SLIT3: variants seen among roughly 807,000 people sequenced by gnomAD.
SLIT3 encodes the protein slit guidance ligand 3.
SLIT3 carries 68 observed loss-of-function variants against 184.0 expected under a neutral mutation model. The ratio of observed to expected loss-of-function variants is 0.37; its 90% CI spans 0.30 to 0.45. The LOEUF (loss-of-function observed/expected upper bound fraction) is 0.45, where lower values mean the gene tolerates loss of function less well. SLIT3 is among the 20% of genes least tolerant of loss of function. The probability of loss-of-function intolerance (pLI) is 1.00; values close to 1 mark genes in which losing one functional copy is unlikely to be tolerated. For synonymous variants in SLIT3, 831 were observed against 828.6 expected (o/e 1.00, Z -0.05); for missense variants, 1,707 against 2,026.0 (o/e 0.84, Z 3.02).
At chr5:169,267,230 G>A (rs1255690866) in intron 1 of SLIT3, among the ~76,000 whole-genome samples, 1 of 152,192 alleles carries the variant, frequency 6.6e-6, no homozygotes, top group East Asian at 1.9e-4. Context: ...ACAAGGATTA[G>A]TGGCTGAAAA....
intron 20 of SLIT3, among the ~76,000 whole-genome samples, chr5:168,727,301 C>G (rs1763162399): frequency 1.3e-5 from 2 of 151,756 alleles, no homozygotes; most frequent in African/African-American, 4.8e-5. Flanking sequence ...GCCTGGGCAA[C>G]ACAGTGAGAC....
chr5:169,135,065 T>C (rs942918329), intron 4 of SLIT3, among the ~76,000 whole-genome samples: 1 of 152,224 alleles, frequency 6.6e-6, no homozygotes. Flanking sequence ...GCATCTGTTT[T>C]CCCCTCTAAC....
intron 3 of SLIT3, among the ~76,000 whole-genome samples, chr5:169,244,085 C>T (rs546377998): frequency 5.4e-4 from 83 of 152,370 alleles, no homozygotes; most frequent in Middle Eastern, 3.4e-3. Context: ...ATCTTCCATT[C>T]CCATCCCTTT....
intron 11 of SLIT3, among the ~76,000 whole-genome samples, chr5:168,788,423 A>T (rs1302400227): frequency 6.6e-6 from 1 of 152,146 alleles, no homozygotes; most frequent in Non-Finnish European, 1.5e-5. Flanking sequence ...TGCCCACTCA[A>T]ATTAGGTAAA....
At chr5:169,103,303 C>A (rs1760085537) in intron 4 of SLIT3, among the ~76,000 whole-genome samples, 3 of 152,148 alleles carry the variant, frequency 2.0e-5, no homozygotes, top group African/African-American at 7.2e-5. Flanking sequence ...CAAGTCAAGC[C>A]TGTTTTATTT....
chr5:168,974,649 A>G (rs1231729538), intron 4 of SLIT3, among the ~76,000 whole-genome samples: 1 of 152,166 alleles, frequency 6.6e-6, no homozygotes, highest in African/African-American at 2.4e-5. Flanking sequence ...AATCATCTTG[A>G]GAGAAGAGGA....
chr5:168,728,344 T>G (rs1173006635), intron 20 of SLIT3, among the ~76,000 whole-genome samples: 1 of 150,354 alleles, frequency 6.7e-6, no homozygotes, highest in Non-Finnish European at 1.5e-5. Context: ...TTCAAACAAT[T>G]AGAACAAGTG....
intron 4 of SLIT3, among the ~76,000 whole-genome samples, chr5:169,119,066 T>C (rs528582066): frequency 6.6e-6 from 1 of 152,346 alleles, no homozygotes; most frequent in African/African-American, 2.4e-5. Flanking sequence ...TTTGAATCCA[T>C]GCCTGTCTGG....
chr5:168,669,979 T>A lies in SLIT3; in HGVS notation c.4140A>T (p.Gly1380=), dbSNP rs759180359. ...ATGAGGTCCCAGTTGCCACACATTT[T>A]CCATGGTGGCATCTAGGGGCAGAGA... ...DPCLGHRCHH[G]KCVATGTSYM... is the part of the protein sequence containing the mutation. The change falls in exon 35 of 36, where the codon GGA becomes GGT. Residue 1380 remains glycine (G), a synonymous_variant. Coordinates refer to ENST00000519560, the MANE Select transcript of SLIT3 (RefSeq NM_003062.4). 1.2e-6 allele frequency: 2 copies of A among 1,614,044 alleles called. No homozygotes were observed. The highest frequency in any genetic ancestry group is 8.5e-7 in the Non-Finnish European group (1 of 1,179,926).
rs538837695 is a variant in SLIT3, at chr5:168,877,698, G to A, written c.485+5567C>T. Among the ~76,000 whole-genome samples, 6 of 152,288 alleles carry A rather than the reference G, an allele frequency of 3.9e-5. No individual in the cohort carries two copies. In the East Asian group the frequency reaches 1.2e-3, roughly 29 times the overall value. ...TAACTAGAGAACACAAAGGCTGCCT[G>A]CCCAGCTTTGTTTTCAAAGCGTCAA... On this transcript the variant is annotated intron_variant, in intron 5 of 35. Coordinates refer to ENST00000519560, the MANE Select transcript of SLIT3 (RefSeq NM_003062.4).
chr5:168,760,360 A>G (rs1755102296), intron 16 of SLIT3, among the ~76,000 whole-genome samples: 1 of 152,186 alleles, frequency 6.6e-6, no homozygotes, highest in Admixed American at 6.5e-5. Context: ...AGGCCAAGGC[A>G]TGGTCAGACC....
At chr5:169,144,849 T>C (rs1761875613) in intron 4 of SLIT3, among the ~76,000 whole-genome samples, 1 of 152,058 alleles carries the variant, frequency 6.6e-6, no homozygotes, top group Non-Finnish European at 1.5e-5. Context: ...CAGTTACGAA[T>C]TGAGAAAAGA....
At chr5:169,150,895 C>T (rs912160350) in intron 4 of SLIT3, among the ~76,000 whole-genome samples, 4 of 152,124 alleles carry the variant, frequency 2.6e-5, no homozygotes, top group Admixed American at 6.5e-5. Flanking sequence ...TGATTTCATG[C>T]GGGAGATGCT....
chr5:169,015,662 G>T (rs1422443415), intron 4 of SLIT3, among the ~76,000 whole-genome samples: 1 of 152,070 alleles, frequency 6.6e-6, no homozygotes, highest in Non-Finnish European at 1.5e-5. Context: ...CAGGTGTGGT[G>T]ATTCATGCTT....
chr5:169,213,787 A>G (rs1239563312), intron 3 of SLIT3, among the ~76,000 whole-genome samples: 2 of 152,260 alleles, frequency 1.3e-5, no homozygotes, highest in African/African-American at 4.8e-5. Flanking sequence ...CAGAACTAAG[A>G]ACAGTGCCTG....
chr5:169,073,511 A>G (rs952968653), intron 4 of SLIT3, among the ~76,000 whole-genome samples: 3 of 151,714 alleles, frequency 2.0e-5, no homozygotes, highest in Non-Finnish European at 4.4e-5. Flanking sequence ...GAATCAGACA[A>G]TGTCAGTGAT....
intron 1 of SLIT3, among the ~76,000 whole-genome samples, chr5:169,268,878 T>C (rs1187905727): frequency 6.6e-6 from 1 of 152,202 alleles, no homozygotes; most frequent in Non-Finnish European, 1.5e-5. Context: ...TATCAGGCAC[T>C]GTTCATCTCC....
intron 3 of SLIT3, among the ~76,000 whole-genome samples, chr5:169,224,115 A>G (rs1434543976): frequency 6.6e-6 from 1 of 152,248 alleles, no homozygotes; most frequent in African/African-American, 2.4e-5. Flanking sequence ...TCTCACAGCA[A>G]TGAGACTTTG....
At chr5:168,701,850 A>G (rs1762226873) in intron 26 of SLIT3, among the ~76,000 whole-genome samples, 2 of 152,152 alleles carry the variant, frequency 1.3e-5, no homozygotes, top group African/African-American at 4.8e-5. Context: ...TGCCTGAGAA[A>G]ATCCTCTTCC....
Sources: allele counts gnomAD v4.1 joint callset (sites outside exome capture counted in the v4.1 genomes callset), GRCh38; gene constraint gnomAD v4.1.1; transcripts MANE v1.5; gene names NCBI Gene and HGNC (gene_info 2026-07-23, HGNC 2026-07-21).